LAMA4: variants seen among roughly 807,000 people sequenced by gnomAD.
The protein encoded by LAMA4 is laminin subunit alpha-4.
A neutral mutation model predicts 207.1 loss-of-function variants in LAMA4; 127 were observed. The observed-to-expected ratio is 0.61, with a 90% CI of 0.53 to 0.71. The LOEUF (loss-of-function observed/expected upper bound fraction) is 0.71. Among genes scored for constraint, LAMA4 ranks in the 30% least tolerant of loss-of-function variants. The pLI is 0.00. For synonymous variants in LAMA4, 761 were observed against 816.0 expected, an observed-to-expected ratio of 0.93 and a Z score of 1.15; for missense variants, 2,093 against 2,246.5, an observed-to-expected ratio of 0.93 and a Z score of 1.38.
chr6:112,251,057 C>T (rs1452479102), intron 2 of LAMA4, among the ~76,000 whole-genome samples: 2 of 152,158 alleles, frequency 1.3e-5, no homozygotes, highest in African/African-American at 4.8e-5. Context: ...ACTGTTCTCA[C>T]CATAAACTCA....
intron 2 of LAMA4, among the ~76,000 whole-genome samples, chr6:112,228,944 T>C (rs184759260): frequency 2.6e-5 from 4 of 152,272 alleles, no homozygotes; most frequent in Admixed American, 2.0e-4. Flanking sequence ...ACCAGCTGGC[T>C]CTTGATCTGG....
intron 17 of LAMA4, 173 bp downstream of exon 17, chr6:112,150,338 T>G (rs137921291): frequency 2.9e-4 from 198 of 683,086 alleles, no homozygotes; most frequent in Admixed American, 1.6e-3. Flanking sequence ...ATATTTAGTT[T>G]CTTCTTTTTG....
chr6:112,167,974 G>A (rs145486092), intron 12 of LAMA4, among the ~76,000 whole-genome samples: 2,865 of 152,008 alleles, frequency 0.019, 94 homozygotes, highest in African/African-American at 0.066. Context: ...TTGGGAGGCC[G>A]AGGCAGGCAG....
rs781801688 is a variant in LAMA4, at chr6:112,117,334, G to C, written c.4981+405C>G. Reference sequence around the variant, plus strand: ...GAAATAAAAATTTCTGAAGGATAACGTTGTCTGCTGGTGTTGCAAGTCATG... The same window carrying C: ...GAAATAAAAATTTCTGAAGGATAACCTTGTCTGCTGGTGTTGCAAGTCATG... On this transcript the variant is annotated intron_variant, in intron 35 of 38. Coordinates refer to ENST00000230538, the MANE Select transcript of LAMA4 (RefSeq NM_001105206.3). The surrounding 1 kb of genome is among the most constrained non-coding windows in gnomAD (Gnocchi z 4.5). 3.9e-5 allele frequency among the ~76,000 whole-genome samples: 6 copies of C among 152,070 alleles called. No individual in the cohort carries two copies. Among genetic ancestry groups the C allele is most frequent in the Admixed American group, 6.6e-5 (1 of 15,240 alleles).
intron 4 of LAMA4, among the ~76,000 whole-genome samples, chr6:112,203,270 TAGAGAAAAATAG>T (rs1440418698): frequency 6.6e-6 from 1 of 152,142 alleles, no homozygotes; most frequent in East Asian, 1.9e-4. Flanking sequence ...CTTAGGAACT[TAGAGAAAAATAG>T]ACTCGGCCCT....
At position 112,108,198 on chromosome 6, in the gene LAMA4, T is replaced by G. The variant is rs1310288467; in HGVS notation, c.*1239A>C. Among the ~76,000 whole-genome samples the G allele has an allele frequency of 6.6e-6, 1 of 152,160 alleles. No homozygotes were observed. Among genetic ancestry groups the G allele is most frequent in the African/African-American group, 2.4e-5 (1 of 41,448 alleles). The stretch of plus-strand genomic sequence containing the variant: ...TCCTCTCCCCTCAAAAGTTACTCCT[T>G]TTATGTATTGTTAATTCTGTTGATA... On this transcript the variant is annotated 3_prime_UTR_variant, in exon 39 of 39. Transcript: ENST00000230538.
chr6:112,209,743 T>C (rs1393590880), intron 3 of LAMA4, among the ~76,000 whole-genome samples: 3 of 152,238 alleles, frequency 2.0e-5, no homozygotes, highest in Non-Finnish European at 4.4e-5. Context: ...TCTTCTGTTT[T>C]ACCTTCAGTG....
At chr6:112,245,881 C>T (rs1275281560) in intron 2 of LAMA4, among the ~76,000 whole-genome samples, 5 of 152,158 alleles carry the variant, frequency 3.3e-5, no homozygotes, top group African/African-American at 7.2e-5. Context: ...TCTCTCCTCC[C>T]GCTTTTAACA....
chr6:112,165,050 T>C lies in LAMA4; in HGVS notation c.1668+110A>G, dbSNP rs1781302554. On this transcript the variant is annotated intron_variant, in intron 13 of 38. Coordinates refer to ENST00000230538, the MANE Select transcript of LAMA4 (RefSeq NM_001105206.3). ...CTAAAACATTCAGTCATCTGATCTT[T>C]ATAATGCCTGCTCACTGGTTAGATA... 3.9e-6 allele frequency: 3 copies of C among 778,056 alleles called. No individual in the cohort carries two copies. The Admixed American group carries it at 5.2e-5, about 13-fold the overall frequency. 48.2% of individuals were successfully genotyped at this position (778,056 alleles called of 1,614,324 possible).
intron 25 of LAMA4, among the ~76,000 whole-genome samples, chr6:112,134,831 A>G (rs539762716): frequency 1.3e-5 from 2 of 152,280 alleles, no homozygotes; most frequent in African/African-American, 4.8e-5. Context: ...GGAGGTCTGT[A>G]TGAAGAGGAG....
intron 10 of LAMA4, among the ~76,000 whole-genome samples, 182 bp downstream of exon 10, chr6:112,177,939 T>G (rs782483616): frequency 2.0e-5 from 3 of 152,194 alleles, no homozygotes; most frequent in African/African-American, 7.2e-5. Flanking sequence ...TAGGGATGAG[T>G]GCTCAGAAAT....
intron 3 of LAMA4, among the ~76,000 whole-genome samples, chr6:112,212,962 C>T (rs11153346): frequency 0.51 from 77,825 of 152,018 alleles, 22,686 homozygotes; most frequent in African/African-American, 0.8. Flanking sequence ...AGATGTAATA[C>T]CTTTGTTTTC....
chr6:112,176,159 C>T (rs1436480575), intron 10 of LAMA4, among the ~76,000 whole-genome samples: 1 of 152,144 alleles, frequency 6.6e-6, no homozygotes, highest in African/African-American at 2.4e-5. Context: ...CATTTTCACC[C>T]CACTTCCATA....
At chr6:112,173,539 A>C (rs1554342649) in intron 11 of LAMA4, among the ~76,000 whole-genome samples, 1 of 152,186 alleles carries the variant, frequency 6.6e-6, no homozygotes. Flanking sequence ...GATTGGTCCC[A>C]CTTCTCCAGG....
intron 5 of LAMA4, among the ~76,000 whole-genome samples, chr6:112,194,674 G>A (rs1462855934): frequency 6.6e-6 from 1 of 152,156 alleles, no homozygotes; most frequent in Non-Finnish European, 1.5e-5. Flanking sequence ...CAGGCTTAAT[G>A]TTCTTTCCAC....
chr6:112,253,057 A>T (rs1330549782), intron 2 of LAMA4, among the ~76,000 whole-genome samples: 2 of 152,230 alleles, frequency 1.3e-5, no homozygotes, highest in Non-Finnish European at 2.9e-5. Context: ...AATGGTGTCA[A>T]TCCACATAAC....
chr6:112,245,318 G>T (rs1554188462), intron 2 of LAMA4, among the ~76,000 whole-genome samples: 2 of 152,260 alleles, frequency 1.3e-5, no homozygotes, highest in East Asian at 3.9e-4. Flanking sequence ...GGGTTCTATA[G>T]TCCTAGCATC....
At chr6:112,112,174 G>A (rs371832299) in intron 38 of LAMA4, among the ~76,000 whole-genome samples, 127 of 152,306 alleles carry the variant, frequency 8.3e-4, no homozygotes, top group South Asian at 2.7e-3. Context: ...GGAAAGGGGC[G>A]TGTTGTAAGT....
At chr6:112,219,149 T>C (rs1554359689) in intron 2 of LAMA4, 1 of 152,228 alleles carries the variant, frequency 6.6e-6, no homozygotes, top group East Asian at 1.9e-4. Context: ...CTTTGAAATT[T>C]CGAAGGACCT....
Sources: gnomAD v4.1 joint callset for allele counts (sites outside exome capture counted in the v4.1 genomes callset) on GRCh38, gnomAD v4.1.1 for gene constraint, Gnocchi (gnomAD v3.1) non-coding constraint, MANE v1.5 for transcripts, NCBI Gene and HGNC (gene_info 2026-07-23, HGNC 2026-07-21) for gene names.